The following SHISA9 variants were observed in gnomAD, a reference collection of about 807,000 sequenced individuals.
SHISA9 encodes the protein shisa family member 9, also known as protein shisa-9.
A neutral mutation model predicts 38.0 loss-of-function variants in SHISA9; 13 were observed. The ratio of observed to expected loss-of-function variants is 0.34; its 90% CI spans 0.22 to 0.54. SHISA9 has a LOEUF of 0.54. Ranked by LOEUF, SHISA9 falls within the 20% of genes least tolerant of loss-of-function variation. The pLI is 0.91. For synonymous variants in SHISA9, 275 were observed against 242.0 expected (o/e 1.14, Z -1.27); for missense variants, 538 against 575.8 (o/e 0.93, Z 0.67).
chr16:13,152,612 T>C (rs1344923941), intron 2 of SHISA9, among the ~76,000 whole-genome samples: 1 of 152,080 alleles, frequency 6.6e-6, no homozygotes, highest in African/African-American at 2.4e-5. Context: ...AAGATTCAAA[T>C]CCCAGGGGCA....
chr16:12,913,952 A>T (rs536408475), intron 1 of SHISA9, among the ~76,000 whole-genome samples: 1 of 152,092 alleles, frequency 6.6e-6, no homozygotes, highest in East Asian at 1.9e-4. Context: ...GCTATTGTGA[A>T]AATTGCTGCT....
intron 2 of SHISA9, among the ~76,000 whole-genome samples, chr16:13,161,255 T>G (rs1197268027): frequency 6.6e-6 from 1 of 152,136 alleles, no homozygotes; most frequent in Non-Finnish European, 1.5e-5. Context: ...GTGAGCCCTT[T>G]GCTACATTGA....
intron 2 of SHISA9, among the ~76,000 whole-genome samples, chr16:13,053,017 G>A (rs1460022441): frequency 1.4e-5 from 2 of 143,182 alleles, no homozygotes. Context: ...AGGCTGGAGT[G>A]CAGTGGCATG....
At chr16:13,119,350 C>G (rs2074062959) in intron 2 of SHISA9, among the ~76,000 whole-genome samples, 1 of 152,156 alleles carries the variant, frequency 6.6e-6, no homozygotes, top group African/African-American at 2.4e-5. Flanking sequence ...CTTTTAATAA[C>G]TCATCATACA....
chr16:13,026,931 GA>G (rs1313691953), intron 2 of SHISA9, among the ~76,000 whole-genome samples: 3 of 152,160 alleles, frequency 2.0e-5, no homozygotes, highest in Admixed American at 6.5e-5. Context: ...TCCTTGATCA[GA>G]GTCAACATTT....
At chr16:13,249,860 A>C in the SHISA9 span, among the ~76,000 whole-genome samples, 2 of 152,150 alleles carry the variant, frequency 1.3e-5, no homozygotes, top group African/African-American at 4.8e-5. Flanking sequence ...AGCCTCCAAG[A>C]AACTGGGACT....
At chr16:13,045,051 C>T (rs978935631) in intron 2 of SHISA9, among the ~76,000 whole-genome samples, 1 of 152,132 alleles carries the variant, frequency 6.6e-6, no homozygotes, top group Non-Finnish European at 1.5e-5. Flanking sequence ...GCCTCAGTTT[C>T]CTGATCTGTA....
chr16:13,012,075 C>A (rs1567181043), intron 2 of SHISA9, among the ~76,000 whole-genome samples: 1 of 152,210 alleles, frequency 6.6e-6, no homozygotes, highest in Admixed American at 6.5e-5. Context: ...ATCCACCCAC[C>A]TCGGCCTCCT....
chr16:13,040,398 C>A (rs1248547115), intron 2 of SHISA9, among the ~76,000 whole-genome samples: 1 of 152,198 alleles, frequency 6.6e-6, no homozygotes, highest in South Asian at 2.1e-4. Flanking sequence ...GTTTGCATGA[C>A]CCTCTTCTTG....
the SHISA9 span, among the ~76,000 whole-genome samples, chr16:13,377,331 C>T: frequency 7.6e-4 from 115 of 152,206 alleles, no homozygotes; most frequent in Non-Finnish European, 9.7e-4. Flanking sequence ...GGATGAGCTG[C>T]CCAGGTGCTG....
the SHISA9 span, among the ~76,000 whole-genome samples, chr16:13,538,983 G>A: frequency 6.6e-6 from 1 of 152,022 alleles, no homozygotes; most frequent in Non-Finnish European, 1.5e-5. Context: ...TGAGTTAATT[G>A]CAAAGCCAGA....
the SHISA9 span, among the ~76,000 whole-genome samples, chr16:13,280,123 T>TG: frequency 1.4e-5 from 1 of 71,604 alleles, no homozygotes; most frequent in African/African-American, 3.7e-5. Context: ...TTCTCTTTTT[T>TG]TTTTTTTTTT....
chr16:13,104,948 A>G (rs915180824), intron 2 of SHISA9, among the ~76,000 whole-genome samples: 3 of 152,190 alleles, frequency 2.0e-5, no homozygotes, highest in African/African-American at 7.2e-5. Flanking sequence ...TAACTGTGCC[A>G]CTGTCAATTA....
the SHISA9 span, among the ~76,000 whole-genome samples, chr16:13,347,844 C>G: frequency 2.3e-4 from 16 of 70,734 alleles, no homozygotes; most frequent in African/African-American, 4.4e-4. Context: ...AACGTACCCC[C>G]CCACAAAGAT....
chr16:13,159,636 T>G (rs1228646719), intron 2 of SHISA9, among the ~76,000 whole-genome samples: 3 of 152,224 alleles, frequency 2.0e-5, no homozygotes, highest in Admixed American at 1.3e-4. Flanking sequence ...TTGATAAAGA[T>G]TTACTATATT....
At chr16:13,193,334 T>G (rs763619925) in intron 2 of SHISA9, among the ~76,000 whole-genome samples, 2 of 152,160 alleles carry the variant, frequency 1.3e-5, no homozygotes, top group Non-Finnish European at 2.9e-5. Context: ...ACATGGTTAA[T>G]GTGCCTTTTC....
At chr16:13,369,803 G>A in the SHISA9 span, among the ~76,000 whole-genome samples, 2 of 152,230 alleles carry the variant, frequency 1.3e-5, no homozygotes, top group Admixed American at 1.3e-4. Context: ...GCTCACAGGG[G>A]CTAGCCGGGT....
chr16:13,106,438 T>C (rs533854831), intron 2 of SHISA9, among the ~76,000 whole-genome samples: 1 of 152,292 alleles, frequency 6.6e-6, no homozygotes, highest in East Asian at 1.9e-4. Context: ...TTCCTTGTTA[T>C]AGGATAATAA....
At chr16:13,025,549 T>C (rs2141871125) in intron 2 of SHISA9, among the ~76,000 whole-genome samples, 1 of 152,234 alleles carries the variant, frequency 6.6e-6, no homozygotes, top group African/African-American at 2.4e-5. Context: ...GGGTGTGAAC[T>C]GGGTTGAAAT....
Sources: gnomAD v4.1 joint callset for allele counts (sites outside exome capture counted in the v4.1 genomes callset) on GRCh38, gnomAD v4.1.1 for gene constraint, MANE v1.5 for transcripts, NCBI Gene and HGNC (gene_info 2026-07-23, HGNC 2026-07-21) for gene names.